The following DLG2 variants were observed in gnomAD, a reference collection of about 807,000 sequenced individuals.
DLG2 encodes the protein disks large homolog 2.
DLG2 carries 45 observed loss-of-function variants against 132.5 expected under a neutral mutation model. The ratio of observed to expected loss-of-function variants is 0.34; its 90% CI spans 0.27 to 0.44. The LOEUF (loss-of-function observed/expected upper bound fraction) is 0.44, where lower values mean the gene tolerates loss of function less well. Among genes scored for constraint, DLG2 ranks in the 20% least tolerant of loss-of-function variants. DLG2 has a pLI of 1.00. For missense variants in DLG2, 1,045 were observed against 1,196.9 expected, an observed-to-expected ratio of 0.87 and a Z score of 1.87; for synonymous variants, 424 against 419.6, an observed-to-expected ratio of 1.01 and a Z score of -0.13.
chr11:84,833,157 GA>G lies in DLG2; in HGVS notation c.357+278503del, dbSNP rs561672392. Among the ~76,000 whole-genome samples, 36 of 151,426 alleles carry G rather than the reference GA, an allele frequency of 2.4e-4. No homozygotes were observed. The East Asian group carries it at 6.1e-3, about 25-fold the overall frequency. The stretch of plus-strand genomic sequence containing the variant: ...ATTTAGTGAAATCTAAATTTAAAAA[GA>G]AAAAAAGAAATTATCATTGATTTTC... On this transcript the variant is annotated intron_variant, in intron 6 of 27. Transcript: ENST00000376104.
At chr11:84,570,802 T>C (rs1592621431) in intron 6 of DLG2, among the ~76,000 whole-genome samples, 1 of 152,210 alleles carries the variant, frequency 6.6e-6, no homozygotes, top group East Asian at 1.9e-4. Flanking sequence ...CTTGGCTACA[T>C]AGATGCTGGA....
At chr11:84,065,694 C>T (rs2096660230) in intron 10 of DLG2, among the ~76,000 whole-genome samples, 1 of 152,150 alleles carries the variant, frequency 6.6e-6, no homozygotes, top group Admixed American at 6.5e-5. Context: ...TACCATTCAA[C>T]CTAGAAATCC....
chr11:85,125,994 T>G (rs2075063437), intron 5 of DLG2, among the ~76,000 whole-genome samples: 1 of 152,038 alleles, frequency 6.6e-6, no homozygotes, highest in Non-Finnish European at 1.5e-5. Context: ...TACATAAAAT[T>G]TTAGGAAAGG....
chr11:84,032,029 ATGTG>A (rs1462643869), intron 11 of DLG2, among the ~76,000 whole-genome samples: 1 of 152,110 alleles, frequency 6.6e-6, no homozygotes, highest in African/African-American at 2.4e-5. Context: ...TAACTGATAA[ATGTG>A]TGTGTTCTTA....
At chr11:84,954,530 T>C (rs145482124) in intron 6 of DLG2, among the ~76,000 whole-genome samples, 269 of 152,228 alleles carry the variant, frequency 1.8e-3, no homozygotes, top group Non-Finnish European at 3.1e-3. Context: ...TATTACACAC[T>C]AAGGTTGGTA....
intron 17 of DLG2, among the ~76,000 whole-genome samples, chr11:83,823,844 A>G (rs2051619639): frequency 6.6e-6 from 1 of 152,178 alleles, no homozygotes; most frequent in Admixed American, 6.5e-5. Flanking sequence ...GTGGTGACTC[A>G]TATGTCTCCT....
intron 15 of DLG2, 151 bp from the exon 16 acceptor site, chr11:83,874,639 A>G (rs994808690): frequency 2.0e-5 from 9 of 439,628 alleles, no homozygotes; most frequent in Non-Finnish European, 3.6e-5. Context: ...TGCACCCATT[A>G]ACTCGTCATT....
intron 3 of DLG2, among the ~76,000 whole-genome samples, chr11:85,461,133 A>T (rs558304098): frequency 2.0e-5 from 3 of 152,336 alleles, no homozygotes; most frequent in Non-Finnish European, 4.4e-5. Flanking sequence ...AGTTATACAC[A>T]CCAGGGAATC....
intron 4 of DLG2, among the ~76,000 whole-genome samples, chr11:85,166,025 T>G (rs1482148719): frequency 6.6e-6 from 1 of 152,136 alleles, no homozygotes. Context: ...ACCAGCAGCA[T>G]CAGCGCCACC....
At chr11:84,195,040 C>T (rs2096489897) in intron 8 of DLG2, among the ~76,000 whole-genome samples, 1 of 152,246 alleles carries the variant, frequency 6.6e-6, no homozygotes, top group South Asian at 2.1e-4. Flanking sequence ...TCCCACAGTG[C>T]AGTGGCGGGC....
intron 13 of DLG2, 101 bp downstream of exon 13, chr11:83,965,223 A>T: frequency 1.5e-6 from 2 of 1,309,248 alleles, no homozygotes; most frequent in Non-Finnish European, 2.1e-6. Flanking sequence ...TCCAGAAGTT[A>T]ACCAAGAGGG....
At chr11:84,872,137 T>G (rs1317986516) in intron 6 of DLG2, among the ~76,000 whole-genome samples, 1 of 152,192 alleles carries the variant, frequency 6.6e-6, no homozygotes, top group Non-Finnish European at 1.5e-5. Flanking sequence ...GGTATTGGAG[T>G]GCACTTTATG....
intron 7 of DLG2, among the ~76,000 whole-genome samples, chr11:84,340,812 G>A (rs1055096844): frequency 1.5e-5 from 2 of 136,902 alleles, no homozygotes; most frequent in Non-Finnish European, 3.1e-5. Context: ...AAAATCAAAA[G>A]TATGGGGCTA....
intron 15 of DLG2, among the ~76,000 whole-genome samples, chr11:83,905,649 G>C (rs923478391): frequency 2.0e-5 from 3 of 152,060 alleles, no homozygotes; most frequent in African/African-American, 7.2e-5. Flanking sequence ...ATGTTTTATG[G>C]ACCACTTATT....
intron 3 of DLG2, among the ~76,000 whole-genome samples, chr11:85,466,896 T>C (rs978322927): frequency 1.3e-5 from 2 of 152,206 alleles, no homozygotes; most frequent in Admixed American, 6.5e-5. Context: ...TTAATTACCT[T>C]GGGCAGTATG....
chr11:84,935,593 C>A (rs1451209984), intron 6 of DLG2, among the ~76,000 whole-genome samples: 1 of 152,156 alleles, frequency 6.6e-6, no homozygotes, highest in Non-Finnish European at 1.5e-5. Flanking sequence ...CTCACCCACC[C>A]TCTAGAAGAC....
At chr11:84,350,372 G>A (rs1021213570) in intron 7 of DLG2, among the ~76,000 whole-genome samples, 3 of 152,168 alleles carry the variant, frequency 2.0e-5, no homozygotes, top group East Asian at 1.9e-4. Context: ...ATATGCAAAG[G>A]AGTAAGTATC....
chr11:84,018,848 T>TA lies in DLG2; in HGVS notation c.920-38207dup, dbSNP rs758360540. ...AGAAGACTGAAAAGACAAATTAAGC[T>TA]AAAAAAAAAATGGGCAAGACTAAAA... On this transcript the variant is annotated intron_variant, in intron 11 of 27. Coordinates refer to ENST00000376104, the MANE Select transcript of DLG2 (RefSeq NM_001142699.3). Among the ~76,000 whole-genome samples the TA allele has an allele frequency of 4.1e-3, 596 of 145,260 alleles. 6 individuals are homozygous for TA. Among genetic ancestry groups the TA allele is most frequent in the African/African-American group, 0.014 (545 of 39,896 alleles).
chr11:83,802,724 G>A (rs2044781631), intron 17 of DLG2, among the ~76,000 whole-genome samples: 1 of 151,986 alleles, frequency 6.6e-6, no homozygotes, highest in Non-Finnish European at 1.5e-5. Context: ...CTAAAAAAAA[G>A]TCATTATCTA....
Sources: gnomAD v4.1 joint callset for allele counts (sites outside exome capture counted in the v4.1 genomes callset) on GRCh38, gnomAD v4.1.1 for gene constraint, MANE v1.5 for transcripts, NCBI Gene and HGNC (gene_info 2026-07-23, HGNC 2026-07-21) for gene names.